The following ZNF148 variants were observed in gnomAD, a reference collection of about 807,000 sequenced individuals.
ZNF148 encodes the protein Beta-Enolase Repressor Factor-1.
In ZNF148, 7 loss-of-function variants were observed where a neutral mutation model predicts 67.7. The ratio of observed to expected loss-of-function variants is 0.10; its 90% CI spans 0.06 to 0.19. The LOEUF (loss-of-function observed/expected upper bound fraction) is 0.19. ZNF148 is among the 10% of genes least tolerant of loss of function. The probability of loss-of-function intolerance (pLI) is 1.00; values close to 1 mark genes in which losing one functional copy is unlikely to be tolerated. For synonymous variants in ZNF148, 333 were observed against 330.7 expected, an observed-to-expected ratio of 1.01 and a Z score of -0.08; for missense variants, 583 against 947.1, an observed-to-expected ratio of 0.62 and a Z score of 5.05.
intron 4 of ZNF148, among the ~76,000 whole-genome samples, chr3:125,296,941 A>G (rs1442163302): frequency 6.6e-6 from 1 of 152,038 alleles, no homozygotes; most frequent in Non-Finnish European, 1.5e-5. Flanking sequence ...CAAACACACC[A>G]ACTACCTACA....
At chr3:125,307,919 T>G (rs1008250398) in intron 4 of ZNF148, among the ~76,000 whole-genome samples, 1 of 151,628 alleles carries the variant, frequency 6.6e-6, no homozygotes, top group African/African-American at 2.4e-5. Flanking sequence ...CCCCCTAAAG[T>G]GCTGAGATTA....
chr3:125,334,341 G>A (rs1401763544), intron 1 of ZNF148, among the ~76,000 whole-genome samples: 1 of 152,090 alleles, frequency 6.6e-6, no homozygotes, highest in Non-Finnish European at 1.5e-5. Flanking sequence ...CTGTCCAAAG[G>A]CATTCATAAT....
chr3:125,360,111 T>C (rs1942490666), intron 1 of ZNF148, among the ~76,000 whole-genome samples: 1 of 152,196 alleles, frequency 6.6e-6, no homozygotes, highest in Admixed American at 6.5e-5. Context: ...GTTCTCTCCA[T>C]ATTTTCTCTG....
At chr3:125,263,728 A>G (rs1380053056) in intron 7 of ZNF148, among the ~76,000 whole-genome samples, 1 of 152,134 alleles carries the variant, frequency 6.6e-6, no homozygotes, top group African/African-American at 2.4e-5. Flanking sequence ...CCTGAGTGAT[A>G]GCAGTGTCTT....
At chr3:125,239,554 T>C (rs1195189484) in intron 7 of ZNF148, among the ~76,000 whole-genome samples, 1 of 152,122 alleles carries the variant, frequency 6.6e-6, no homozygotes, top group Non-Finnish European at 1.5e-5. Context: ...ATTGAAACCC[T>C]CATACAAGGC....
intron 4 of ZNF148, among the ~76,000 whole-genome samples, chr3:125,295,003 A>G (rs1939208437): frequency 6.6e-6 from 1 of 152,224 alleles, no homozygotes; most frequent in Non-Finnish European, 1.5e-5. Flanking sequence ...CTGCTTTTCA[A>G]TAAATCTAAA....
intron 5 of ZNF148, among the ~76,000 whole-genome samples, chr3:125,281,481 A>G (rs1938382783): frequency 6.6e-6 from 1 of 152,250 alleles, no homozygotes. Context: ...GATAACAAAT[A>G]AGAAAATCCA....
intron 1 of ZNF148, among the ~76,000 whole-genome samples, chr3:125,371,909 A>C (rs1476751901): frequency 6.6e-6 from 1 of 151,620 alleles, no homozygotes. Context: ...CTAAAAATAC[A>C]GAAAATTAGC....
chr3:125,246,594 G>A (rs962344959), intron 7 of ZNF148, among the ~76,000 whole-genome samples: 1 of 152,132 alleles, frequency 6.6e-6, no homozygotes, highest in East Asian at 1.9e-4. Flanking sequence ...AAGAAGCCTA[G>A]CACAGTAGTA....
At chr3:125,329,461 A>C (rs1009698619) in intron 2 of ZNF148, among the ~76,000 whole-genome samples, 1 of 150,536 alleles carries the variant, frequency 6.6e-6, no homozygotes, top group Non-Finnish European at 1.5e-5. Flanking sequence ...TCCTGGGTTT[A>C]AGCGATTCTT....
Position 125,338,598 on chromosome 3 carries a change from C to T in ZNF148, c.-233-7360G>A, listed in dbSNP as rs181368243. ...TCGCTTTAGCCTGGGGGGCAAAGGT[C>T]GCAGTGAGCCGACATTGTGCCACTG... On this transcript the variant is annotated intron_variant, in intron 1 of 8. Transcript: ENST00000360647. Among the ~76,000 whole-genome samples, 6 of 129,844 alleles carry T rather than the reference C, an allele frequency of 4.6e-5. No homozygotes were observed. The East Asian group carries it at 6.9e-4, about 15-fold the overall frequency. The allele number at this position is 129,844 out of a possible 152,430, so 85.2% of individuals were successfully genotyped here.
chr3:125,271,120 C>T (rs1289658929), intron 7 of ZNF148, among the ~76,000 whole-genome samples: 1 of 152,026 alleles, frequency 6.6e-6, no homozygotes, highest in African/African-American at 2.4e-5. Flanking sequence ...TCCAACTTTC[C>T]TCACAAAACA....
chr3:125,234,204 CTCTT>C lies in ZNF148; in HGVS notation c.786+3_786+6del. The stretch of plus-strand genomic sequence containing the variant: ...ACAGTAGAAGAATTTCAAGCCATCT[CTCTT>C]ACCTGTAAACAGTATTCACACTGGT... On this transcript the variant is annotated splice_donor_5th_base_variant and intron_variant, in intron 8 of 8. Transcript: ENST00000360647. 1 of 1,553,832 alleles carries C rather than the reference CTCTT, an allele frequency of 6.4e-7. No homozygotes were observed. Among genetic ancestry groups the C allele is most frequent in the South Asian group, 1.2e-5 (1 of 86,708 alleles).
chr3:125,230,773 G>C lies in ZNF148; in HGVS notation c.*1568C>G, dbSNP rs903249686. The C allele has an allele frequency of 1.3e-5, 2 of 152,056 alleles. No individual in the cohort carries two copies. The highest frequency in any genetic ancestry group is 4.8e-5 in the African/African-American group (2 of 41,396). The allele number at this position is 152,056 out of a possible 1,614,324, so 9.4% of individuals were successfully genotyped here. A position where few individuals can be genotyped will look rare whatever the true frequency, so the allele number is the denominator to read the frequency against. Reference sequence around the variant, plus strand: ...AGGGTATTAATTTTAGATTTTCACTGGTGCTATATCAGGATGTGCATTGTG... The same window carrying C: ...AGGGTATTAATTTTAGATTTTCACTCGTGCTATATCAGGATGTGCATTGTG... On this transcript the variant is annotated 3_prime_UTR_variant, in exon 9 of 9. Transcript: ENST00000360647.
At chr3:125,359,640 A>C (rs1420638462) in intron 1 of ZNF148, among the ~76,000 whole-genome samples, 1 of 152,220 alleles carries the variant, frequency 6.6e-6, no homozygotes, top group African/African-American at 2.4e-5. Flanking sequence ...GCAAACAGAA[A>C]ACATGATGTG....
rs1935779654 is a variant in ZNF148, at chr3:125,229,805, G to A, written c.*2536C>T. 2 of 152,214 alleles carry A rather than the reference G, an allele frequency of 1.3e-5. No individual in the cohort carries two copies. The highest frequency in any genetic ancestry group is 2.4e-5 in the African/African-American group (1 of 41,430). The allele number at this position is 152,214 out of a possible 1,614,324, so 9.4% of individuals were successfully genotyped here. A position where few individuals can be genotyped will look rare whatever the true frequency, so the allele number is the denominator to read the frequency against. On this transcript the variant is annotated 3_prime_UTR_variant, in exon 9 of 9. Coordinates refer to ENST00000360647, the MANE Select transcript of ZNF148 (RefSeq NM_021964.3). Reference sequence around the variant, plus strand: ...CCAGATAGAAATTAAATAACCTTCTGAACCAAAGTGGGGAAATCCAAAACT... The same window carrying A: ...CCAGATAGAAATTAAATAACCTTCTAAACCAAAGTGGGGAAATCCAAAACT...
intron 4 of ZNF148, among the ~76,000 whole-genome samples, chr3:125,295,199 T>C (rs1182836133): frequency 3.3e-5 from 5 of 152,166 alleles, no homozygotes; most frequent in Non-Finnish European, 1.5e-5. Context: ...CTCATGCCTG[T>C]AATCCCAGCA....
chr3:125,252,678 G>C (rs1936892922), intron 7 of ZNF148, among the ~76,000 whole-genome samples: 1 of 150,918 alleles, frequency 6.6e-6, no homozygotes, highest in African/African-American at 2.4e-5. Flanking sequence ...TGAGGCAGGA[G>C]AATCACTTGA....
At chr3:125,339,378 C>T (rs554991668) in intron 1 of ZNF148, among the ~76,000 whole-genome samples, 14 of 152,186 alleles carry the variant, frequency 9.2e-5, no homozygotes, top group East Asian at 1.9e-4. Flanking sequence ...AATGCAGTAA[C>T]GTATTACGGG....
Sources: allele counts gnomAD v4.1 joint callset (sites outside exome capture counted in the v4.1 genomes callset), GRCh38; gene constraint gnomAD v4.1.1; transcripts MANE v1.5; gene names NCBI Gene and HGNC (gene_info 2026-07-23, HGNC 2026-07-21).